PCDHGA8: variants seen among roughly 807,000 people sequenced by gnomAD.
PCDHGA8 encodes the protein protocadherin gamma subfamily A, 8, also known as protocadherin gamma-A8.
Under a neutral mutation model 59.2 loss-of-function variants are expected in PCDHGA8, and 45 were observed. The observed-to-expected ratio is 0.76, with a 90% confidence interval of 0.60 to 0.98. The LOEUF (loss-of-function observed/expected upper bound fraction) is 0.98. Ranked by LOEUF, PCDHGA8 falls within the 50% of genes least tolerant of loss-of-function variation. The pLI is 0.00. For synonymous variants in PCDHGA8, 531 were observed against 519.0 expected, an observed-to-expected ratio of 1.02 and a Z score of -0.32; for missense variants, 1,257 against 1,196.2, an observed-to-expected ratio of 1.05 and a Z score of -0.75.
chr5:141,503,024 A>G (rs574653661), intron 2 of PCDHGA8, among the ~76,000 whole-genome samples: 2 of 150,210 alleles, frequency 1.3e-5, no homozygotes, highest in South Asian at 2.1e-4. Context: ...TTTTTTTTTA[A>G]TATCTATTTT....
intron 1 of PCDHGA8, among the ~76,000 whole-genome samples, chr5:141,465,879 T>C (rs979784878): frequency 6.6e-6 from 1 of 152,062 alleles, no homozygotes; most frequent in African/African-American, 2.4e-5. Context: ...TCCCAGCACT[T>C]TGGGAGGCCG....
intron 1 of PCDHGA8, among the ~76,000 whole-genome samples, chr5:141,462,331 T>C (rs909948238): frequency 6.6e-6 from 1 of 152,244 alleles, no homozygotes; most frequent in African/African-American, 2.4e-5. Context: ...TCTAATTTAA[T>C]TGTATTGTGA....
chr5:141,427,547 T>C (rs747558888), intron 1 of PCDHGA8: 1 of 640,310 alleles, frequency 1.6e-6, no homozygotes, highest in South Asian at 1.5e-5. Flanking sequence ...TCACCATCAC[T>C]GCCACTGACA....
chr5:141,476,038 G>A lies in PCDHGA8; in HGVS notation c.2425-18769G>A, dbSNP rs1426234941. 1.3e-6 allele frequency: 2 copies of A among 1,484,842 alleles called. No homozygotes were observed. Among genetic ancestry groups the A allele is most frequent in the Non-Finnish European group, 1.8e-6 (2 of 1,118,086 alleles). 92.0% of individuals were successfully genotyped at this position (1,484,842 alleles called of 1,614,324 possible). The stretch of plus-strand genomic sequence containing the variant: ...GTCGGACTCGGCGCCCAGCGCCCAA[G>A]CGCTAACCCGCTGAAAGTTTCTCAG... On this transcript the variant is annotated intron_variant, in intron 1 of 3. Coordinates refer to ENST00000398604, the MANE Select transcript of PCDHGA8 (RefSeq NM_032088.2). The surrounding 1 kb of genome is among the most constrained non-coding windows in gnomAD (Gnocchi z 7.6).
intron 1 of PCDHGA8, chr5:141,399,194 C>T (rs770516092): frequency 1.2e-6 from 2 of 1,613,838 alleles, no homozygotes; most frequent in South Asian, 1.1e-5. Context: ...CTGGAAAACG[C>T]GGTGCCTGGA....
chr5:141,405,326 T>C (rs764056952), intron 1 of PCDHGA8: 2 of 1,614,220 alleles, frequency 1.2e-6, no homozygotes, highest in South Asian at 2.2e-5. Context: ...TGAGCCTTTG[T>C]GCGTCTCTGT....
intron 1 of PCDHGA8, among the ~76,000 whole-genome samples, chr5:141,466,594 C>G (rs557960608): frequency 6.6e-6 from 1 of 152,268 alleles, no homozygotes; most frequent in Admixed American, 6.5e-5. Flanking sequence ...TTAAAACAAG[C>G]TAGCTACTTG....
intron 1 of PCDHGA8, chr5:141,421,286 T>G: frequency 6.2e-7 from 1 of 1,613,284 alleles, no homozygotes; most frequent in Non-Finnish European, 8.5e-7. Flanking sequence ...CTGTGCATTT[T>G]CCTGGGGACG....
At chr5:141,447,197 T>C (rs1249080495) in intron 1 of PCDHGA8, among the ~76,000 whole-genome samples, 7 of 152,188 alleles carry the variant, frequency 4.6e-5, no homozygotes, top group Admixed American at 4.6e-4. Context: ...TGGAGTGCAA[T>C]GGCTTGATCT....
rs1284989963 is a variant in PCDHGA8 at position 141,419,134 on chromosome 5, A to T, written c.2424+23897A>T. On this transcript the variant is annotated intron_variant, in intron 1 of 3. Transcript: ENST00000398604. ...AGTACAACGTCACCATCGCAGCCAC[A>T]GACAGGGGCAAGCCTCCGTTATCCT... is the stretch of plus-strand genomic sequence containing the variant. 2.5e-6 allele frequency: 4 copies of T among 1,613,826 alleles called. No individual in the cohort carries two copies. In the African/African-American group the frequency reaches 5.3e-5, roughly 22 times the overall value.
chr5:141,451,955 A>T (rs1004010741), intron 1 of PCDHGA8, among the ~76,000 whole-genome samples: 2 of 152,196 alleles, frequency 1.3e-5, no homozygotes, highest in Admixed American at 1.3e-4. Flanking sequence ...CGAGAAAGTG[A>T]CATACCATCA....
Position 141,493,836 on chromosome 5 carries a change from A to G in PCDHGA8, c.2425-971A>G, listed in dbSNP as rs1411929024. Among the ~76,000 whole-genome samples the G allele has an allele frequency of 6.6e-6, 1 of 152,194 alleles. No individual in the cohort carries two copies. Among genetic ancestry groups the G allele is most frequent in the Non-Finnish European group, 1.5e-5 (1 of 68,038 alleles). On this transcript the variant is annotated intron_variant, in intron 1 of 3. Transcript: ENST00000398604. This position sits in a 1 kb window ranked among gnomAD's most constrained non-coding sequence, Gnocchi z 4.3. ...ACACTCTCTGCTTCTGGGAGCAAGT[A>G]TGAGTATTAATTACCAGCCCACCCC...
chr5:141,442,534 GA>G (rs1156284172), intron 1 of PCDHGA8: 1 of 152,222 alleles, frequency 6.6e-6, no homozygotes, highest in Non-Finnish European at 1.5e-5. Context: ...TCTCCAAGGT[GA>G]AAAATTCTTG....
chr5:141,460,346 ATTTTC>A (rs1049715417), intron 1 of PCDHGA8, among the ~76,000 whole-genome samples: 6 of 151,964 alleles, frequency 3.9e-5, no homozygotes, highest in Non-Finnish European at 8.8e-5. Flanking sequence ...TTTCTCCTAT[ATTTTC>A]TTTTAGAAGT....
chr5:141,507,287 C>G (rs79707942), intron 3 of PCDHGA8: 1 of 148,974 alleles, frequency 6.7e-6, no homozygotes, highest in East Asian at 1.9e-4. Context: ...AAGTCAGTCT[C>G]AAATGTTGCA....
At chr5:141,422,007 T>A in intron 1 of PCDHGA8, 1 of 1,609,966 alleles carries the variant, frequency 6.2e-7, no homozygotes, top group Non-Finnish European at 8.5e-7. Context: ...GCTCCGGAAC[T>A]CGGGTGCTGA....
rs2095058812 is a variant in PCDHGA8 at position 141,408,208 on chromosome 5, A to T, written c.2424+12971A>T. ...AGCGAGAACCCGAGCGAACGATGGGAGGGAGCTGCGCGCAGAGGCGCCGGG... is the reference window on the plus strand; with the variant it reads ...AGCGAGAACCCGAGCGAACGATGGGTGGGAGCTGCGCGCAGAGGCGCCGGG... On this transcript the variant is annotated intron_variant, in intron 1 of 3. Transcript: ENST00000398604. The T allele has an allele frequency of 1.9e-6, 3 of 1,553,236 alleles. No homozygotes were observed. The East Asian group carries it at 7.3e-5, about 38-fold the overall frequency.
intron 1 of PCDHGA8, chr5:141,413,327 A>G (rs200027912): frequency 6.2e-7 from 1 of 1,613,984 alleles, no homozygotes; most frequent in Non-Finnish European, 8.5e-7. Context: ...TTCGTGGGCA[A>G]CATCTCCAAG....
At position 141,486,447 on chromosome 5, in the gene PCDHGA8, T is replaced by A. The variant is rs1452869378; in HGVS notation, c.2425-8360T>A. 6.2e-7 allele frequency: 1 copy of A among 1,614,058 alleles called. No individual in the cohort carries two copies. The highest frequency in any genetic ancestry group is 1.7e-5 in the Admixed American group (1 of 60,012). On this transcript the variant is annotated intron_variant, in intron 1 of 3. Coordinates refer to ENST00000398604, the MANE Select transcript of PCDHGA8 (RefSeq NM_032088.2). This position sits in a 1 kb window ranked among gnomAD's most constrained non-coding sequence, Gnocchi z 5.0. Reference sequence around the variant, plus strand: ...GCCAAATCTAGCTATGACATCATGGTCACTGCTTCTGATGCTGGGAACCCT... The same window carrying A: ...GCCAAATCTAGCTATGACATCATGGACACTGCTTCTGATGCTGGGAACCCT...
Sources: gnomAD v4.1 joint callset for allele counts (sites outside exome capture counted in the v4.1 genomes callset) on GRCh38, gnomAD v4.1.1 for gene constraint, Gnocchi (gnomAD v3.1) non-coding constraint, MANE v1.5 for transcripts, NCBI Gene and HGNC (gene_info 2026-07-23, HGNC 2026-07-21) for gene names.